The following SNTG1 variants were observed in gnomAD, a reference collection of about 807,000 sequenced individuals.
SNTG1 encodes syntrophin gamma 1.
Under a neutral mutation model 74.7 loss-of-function variants are expected in SNTG1, and 39 were observed. The observed-to-expected ratio is 0.52, with a 90% CI of 0.40 to 0.68. The LOEUF is 0.68. Ranked by LOEUF, SNTG1 falls within the 30% of genes least tolerant of loss-of-function variation. The pLI, the probability that SNTG1 is intolerant of heterozygous loss-of-function variation, is 0.00. For missense variants in SNTG1, 685 were observed against 609.5 expected (o/e 1.12, Z -1.30); for synonymous variants, 254 against 217.1 (o/e 1.17, Z -1.49).
chr8:50,471,884 T>G (rs972281447), intron 8 of SNTG1, among the ~76,000 whole-genome samples: 1 of 152,146 alleles, frequency 6.6e-6, no homozygotes, highest in African/African-American at 2.4e-5. Context: ...AATTGACACA[T>G]AAAAATCAGT....
At chr8:50,095,127 G>A (rs80289378) in intron 1 of SNTG1, among the ~76,000 whole-genome samples, 3,830 of 152,156 alleles carry the variant, frequency 0.025, 61 homozygotes, top group Admixed American at 0.038. Context: ...ACAAAAAGAC[G>A]GGAGCAATAA....
intron 2 of SNTG1, among the ~76,000 whole-genome samples, chr8:50,350,310 C>G (rs1293727027): frequency 6.6e-6 from 1 of 152,194 alleles, no homozygotes; most frequent in Non-Finnish European, 1.5e-5. Context: ...TGTGGGCGCA[C>G]TGCAGGGGAC....
At chr8:50,418,576 G>A (rs190893847) in intron 4 of SNTG1, among the ~76,000 whole-genome samples, 3 of 152,096 alleles carry the variant, frequency 2.0e-5, no homozygotes, top group Admixed American at 6.6e-5. Flanking sequence ...ATCTTACCCT[G>A]TCCTGTTCCC....
chr8:50,509,566 T>C (rs989127401), intron 9 of SNTG1, among the ~76,000 whole-genome samples: 1 of 152,152 alleles, frequency 6.6e-6, no homozygotes, highest in Non-Finnish European at 1.5e-5. Flanking sequence ...TGTTCTTCCA[T>C]TTGTTTGTAT....
chr8:50,169,387 T>A (rs1193676794), intron 1 of SNTG1, among the ~76,000 whole-genome samples: 1 of 152,210 alleles, frequency 6.6e-6, no homozygotes, highest in Non-Finnish European at 1.5e-5. Flanking sequence ...CGACTTCTGC[T>A]TCTGAGAAAA....
chr8:50,694,453 C>G (rs951250690), intron 15 of SNTG1, among the ~76,000 whole-genome samples: 5 of 151,850 alleles, frequency 3.3e-5, no homozygotes, highest in African/African-American at 1.2e-4. Context: ...AAGAAGTCTC[C>G]CATCAGAGAA....
At chr8:50,548,988 A>G (rs1484886209) in intron 11 of SNTG1, among the ~76,000 whole-genome samples, 1 of 152,160 alleles carries the variant, frequency 6.6e-6, no homozygotes, top group African/African-American at 2.4e-5. Context: ...ACTGACTTGC[A>G]AGGACCTCAG....
chr8:50,431,399 A>G (rs113567390), intron 4 of SNTG1, among the ~76,000 whole-genome samples: 4,245 of 152,246 alleles, frequency 0.028, 188 homozygotes, highest in African/African-American at 0.096. Flanking sequence ...ATTATTCAAT[A>G]CTTCACTGTA....
chr8:50,111,555 A>G (rs2080590495), intron 1 of SNTG1, among the ~76,000 whole-genome samples: 1 of 152,176 alleles, frequency 6.6e-6, no homozygotes, highest in Non-Finnish European at 1.5e-5. Context: ...TCCAGCCTCC[A>G]GAAATATGAG....
At chr8:50,154,364 C>A (rs934731772) in intron 1 of SNTG1, among the ~76,000 whole-genome samples, 1 of 152,066 alleles carries the variant, frequency 6.6e-6, no homozygotes, top group Non-Finnish European at 1.5e-5. Context: ...AATTCCCTGA[C>A]CCCTTGCACT....
At chr8:50,726,063 T>C (rs568777264) in intron 17 of SNTG1, among the ~76,000 whole-genome samples, 4 of 152,198 alleles carry the variant, frequency 2.6e-5, no homozygotes, top group Non-Finnish European at 5.9e-5. Flanking sequence ...CCTAGTTGTG[T>C]ACAGGTATGT....
At chr8:50,591,233 G>A (rs9298339) in intron 13 of SNTG1, among the ~76,000 whole-genome samples, 11,990 of 151,850 alleles carry the variant, frequency 0.079, 1,096 homozygotes, top group African/African-American at 0.21. Flanking sequence ...TTAACTTCTG[G>A]GAGACCTACT....
At chr8:50,125,931 G>C (rs1213041832) in intron 1 of SNTG1, among the ~76,000 whole-genome samples, 1 of 152,100 alleles carries the variant, frequency 6.6e-6, no homozygotes, top group African/African-American at 2.4e-5. Flanking sequence ...AAGGTCAGAG[G>C]CATATTACTG....
At chr8:50,484,187 TCC>T (rs1435950980) in intron 8 of SNTG1, among the ~76,000 whole-genome samples, 3 of 124,456 alleles carry the variant, frequency 2.4e-5, no homozygotes, top group African/African-American at 5.5e-5. Context: ...CTTCCTTCCT[TCC>T]TTCCTTCCTT....
chr8:50,737,668 T>C (rs2095532319), intron 17 of SNTG1, among the ~76,000 whole-genome samples: 2 of 151,970 alleles, frequency 1.3e-5, no homozygotes, highest in Admixed American at 6.6e-5. Context: ...CAATAAAATA[T>C]GGGCAAACGA....
At chr8:50,573,620 G>A (rs1255105516) in intron 12 of SNTG1, among the ~76,000 whole-genome samples, 1 of 151,658 alleles carries the variant, frequency 6.6e-6, no homozygotes, top group East Asian at 1.9e-4. Context: ...ATAAATTTTA[G>A]TAATTTGATA....
intron 5 of SNTG1, among the ~76,000 whole-genome samples, chr8:50,444,434 T>C (rs2093386640): frequency 6.6e-6 from 1 of 152,066 alleles, no homozygotes; most frequent in African/African-American, 2.4e-5. Flanking sequence ...CTAGACAAAA[T>C]GAATATGTCC....
At chr8:50,188,442 G>T (rs1366972421) in intron 2 of SNTG1, among the ~76,000 whole-genome samples, 3 of 152,110 alleles carry the variant, frequency 2.0e-5, no homozygotes, top group African/African-American at 7.2e-5. Context: ...TATTGCAGCT[G>T]CCCATCTCAG....
chr8:50,604,147 A>C (rs535359393), intron 13 of SNTG1, among the ~76,000 whole-genome samples: 3 of 152,320 alleles, frequency 2.0e-5, no homozygotes, highest in South Asian at 4.1e-4. Flanking sequence ...TACTGGGTAC[A>C]GAGGCTCATG....
Sources: allele counts gnomAD v4.1 joint callset (sites outside exome capture counted in the v4.1 genomes callset), GRCh38; gene constraint gnomAD v4.1.1; transcripts MANE v1.5; gene names NCBI Gene and HGNC (gene_info 2026-07-23, HGNC 2026-07-21).